The following VSIG1 variants were observed in gnomAD, a reference collection of about 807,000 sequenced individuals.
The protein encoded by VSIG1 is V-set and immunoglobulin domain-containing protein 1.
VSIG1 carries 11 observed loss-of-function variants against 20.1 expected under a neutral mutation model. That is an observed-to-expected ratio of 0.55 (90% CI 0.34 to 0.91). VSIG1 has a LOEUF of 0.91. VSIG1 is among the 40% of genes least tolerant of loss of function. The pLI, the probability that VSIG1 is intolerant of heterozygous loss-of-function variation, is 0.02. For missense variants in VSIG1, 283 were observed against 298.8 expected (o/e 0.95, Z 0.39); for synonymous variants, 126 against 116.7 (o/e 1.08, Z -0.52).
intron 3 of VSIG1, 86 bp from the exon 4 acceptor site, chrX:108,072,591 T>C (rs1297941938): frequency 3.2e-6 from 3 of 947,248 alleles, no homozygotes; most frequent in Non-Finnish European, 4.4e-6. Context: ...CACATATTAT[T>C]CAAAATGAAA....
chrX:108,047,799 T>TATATACATACATATATATATAC (rs1555980240), intron 1 of VSIG1, among the ~76,000 whole-genome samples: 3 of 68,546 alleles, frequency 4.4e-5, no homozygotes, highest in African/African-American at 1.9e-4. Context: ...TCTATATATA[T>TATATACATACATATATATATAC]ATATATATAC....
At chrX:108,059,787 C>T (rs778383832) in intron 2 of VSIG1, among the ~76,000 whole-genome samples, 3 of 112,727 alleles carry the variant, frequency 2.7e-5, no homozygotes, top group Non-Finnish European at 3.8e-5. Context: ...GTCTTGTCAA[C>T]ACATTCTTTA....
At position 108,076,168 on chromosome X, in the gene VSIG1, G is replaced by A. The variant is rs1269724921; in HGVS notation, c.780G>A (p.Lys260=). Residue 260 remains lysine (K), a synonymous_variant, in exon 6 of 7, where the codon AAG becomes AAA. Coordinates refer to ENST00000217957, the MANE Select transcript of VSIG1 (RefSeq NM_182607.5). The part of the protein sequence containing the change: ...IISVVCFARN[K]AKAKAKERNS... ...CTGTTGTGTGCTTCGCAAGGAATAAGGCAAAAGCAAAGGCAAAAGAAAGAA... is the reference window on the plus strand; with the variant it reads ...CTGTTGTGTGCTTCGCAAGGAATAAAGCAAAAGCAAAGGCAAAAGAAAGAA... 1 of 1,210,879 alleles carries A rather than the reference G, an allele frequency of 8.3e-7. No individual in the cohort carries two copies. Among genetic ancestry groups the A allele is most frequent in the South Asian group, 1.8e-5 (1 of 56,764 alleles).
At chrX:108,056,672 C>G (rs1175511035) in intron 1 of VSIG1, among the ~76,000 whole-genome samples, 16 of 112,379 alleles carry the variant, frequency 1.4e-4, no homozygotes, top group Non-Finnish European at 1.7e-4. Flanking sequence ...CAAATTAAAA[C>G]CACGATGATT....
intron 1 of VSIG1, 60 bp from the exon 2 acceptor site, chrX:108,057,978 G>T: frequency 9.3e-7 from 1 of 1,071,629 alleles, no homozygotes; most frequent in South Asian, 2.3e-5. Flanking sequence ...GTTCTGTGAT[G>T]AAACAGTGTT....
At chrX:108,049,270 A>G (rs2030733944) in intron 1 of VSIG1, among the ~76,000 whole-genome samples, 1 of 112,524 alleles carries the variant, frequency 8.9e-6, no homozygotes, top group Admixed American at 9.4e-5. Context: ...CTATATTTAA[A>G]ATGTTAGAAA....
intron 3 of VSIG1, among the ~76,000 whole-genome samples, chrX:108,071,810 C>T (rs1319302699): frequency 9.6e-6 from 1 of 104,455 alleles, no homozygotes; most frequent in Non-Finnish European, 1.9e-5. Flanking sequence ...GTGCACCCCC[C>T]AAATGGACTT....
the VSIG1 span, among the ~76,000 whole-genome samples, chrX:108,026,746 C>T: frequency 8.1e-5 from 9 of 111,211 alleles, no homozygotes; most frequent in South Asian, 3.1e-3. Context: ...TATGACCAAC[C>T]TACAAAGAAT....
chrX:108,040,763 T>C (rs887025740), upstream of VSIG1, among the ~76,000 whole-genome samples: 30 of 111,652 alleles, frequency 2.7e-4, no homozygotes, highest in Admixed American at 7.6e-4. Context: ...CAGCTGGACC[T>C]AGTGACAGAA....
At chrX:108,061,380 C>T in intron 2 of VSIG1, 1 of 1,004,111 alleles carries the variant, frequency 1.0e-6, no homozygotes, top group Non-Finnish European at 1.4e-6. Context: ...TGGCAGTATA[C>T]TGTATAGCAT....
upstream of VSIG1, among the ~76,000 whole-genome samples, chrX:108,042,909 G>GT (rs1378866044): frequency 9.7e-4 from 106 of 109,535 alleles, no homozygotes; most frequent in African/African-American, 2.6e-3. Flanking sequence ...TCAATGAAAC[G>GT]TTTTTTTTTC....
intron 1 of VSIG1, among the ~76,000 whole-genome samples, chrX:108,055,474 C>T (rs1380489113): frequency 9.0e-6 from 1 of 111,698 alleles, no homozygotes; most frequent in African/African-American, 3.2e-5. Context: ...CAGTATTATC[C>T]TGATACCAAA....
chrX:108,046,825 T>G (rs751860434), intron 1 of VSIG1, among the ~76,000 whole-genome samples: 10 of 111,165 alleles, frequency 9.0e-5, no homozygotes, highest in African/African-American at 3.3e-4. Context: ...TTATTGTGAC[T>G]TTTAGAACAA....
the VSIG1 span, among the ~76,000 whole-genome samples, chrX:108,034,208 T>C: frequency 1.8e-5 from 2 of 111,254 alleles, no homozygotes; most frequent in African/African-American, 6.5e-5. Context: ...GTCAGGGGGA[T>C]CCTGGCTGGG....
chrX:108,038,780 A>T, the VSIG1 span, among the ~76,000 whole-genome samples: 1 of 112,056 alleles, frequency 8.9e-6, no homozygotes, highest in African/African-American at 3.2e-5. Flanking sequence ...ATGCTAAGAG[A>T]TGAGGTTAGA....
the VSIG1 span, among the ~76,000 whole-genome samples, chrX:108,029,472 C>A: frequency 8.9e-6 from 1 of 112,092 alleles, no homozygotes; most frequent in Non-Finnish European, 1.9e-5. Context: ...TGTTGTAAAT[C>A]ATGAGTGGAT....
chrX:108,035,265 A>AT, the VSIG1 span, among the ~76,000 whole-genome samples: 2 of 110,589 alleles, frequency 1.8e-5, no homozygotes, highest in East Asian at 2.8e-4. Context: ...AAACCAGCTA[A>AT]TTTTTTTGTA....
chrX:108,047,959 CACATATATATATAT>C lies in VSIG1; in HGVS notation c.49+2782_49+2795del, dbSNP rs1388427050. On this transcript the variant is annotated intron_variant, in intron 1 of 6. Transcript: ENST00000217957. ...ACACATATATATATATATATACACACACATATATATATATATATATATATATATATATATATATA... is the reference window on the plus strand; with the variant it reads ...ACACATATATATATATATATACACACATATATATATATATATATATATATA... Among the ~76,000 whole-genome samples the C allele has an allele frequency of 6.1e-4, 9 of 14,808 alleles. 1 individual carries two copies. The highest frequency in any genetic ancestry group is 2.9e-3 in the Admixed American group (5 of 1,706). 12.9% of individuals were successfully genotyped at this position (14,808 alleles called of 115,157 possible). A position where few individuals can be genotyped will look rare whatever the true frequency, so the allele number is the denominator to read the frequency against.
intron 3 of VSIG1, 120 bp downstream of exon 3, chrX:108,067,254 T>G (rs2031151627): frequency 2.7e-6 from 2 of 753,873 alleles, no homozygotes; most frequent in Non-Finnish European, 3.9e-6. Flanking sequence ...CCTAATATTT[T>G]CATTATCAGG....
Sources: allele counts gnomAD v4.1 joint callset (sites outside exome capture counted in the v4.1 genomes callset), GRCh38; gene constraint gnomAD v4.1.1; transcripts MANE v1.5; gene names NCBI Gene and HGNC (gene_info 2026-07-23, HGNC 2026-07-21).